The following ADGRD2 variants were observed in gnomAD, a reference collection of about 807,000 sequenced individuals.
The protein encoded by ADGRD2 is adhesion G protein-coupled receptor D2, also known as G protein-coupled receptor PGR24.
A neutral mutation model predicts 44.4 loss-of-function variants in ADGRD2; 71 were observed. The ratio of observed to expected loss-of-function variants is 1.60; its 90% CI spans 1.32 to 1.95. The LOEUF is 1.95. ADGRD2 is among the 30% of genes most tolerant of loss of function. The pLI, the probability that ADGRD2 is intolerant of heterozygous loss-of-function variation, is 0.00. For missense variants in ADGRD2, 1,039 were observed against 512.4 expected (o/e 2.03, Z -9.92); for synonymous variants, 481 against 224.8 (o/e 2.14, Z -10.19).
At chr9:124,457,673 C>T (rs1161857213) in intron 8 of ADGRD2, 67 bp downstream of exon 11, 4 of 547,610 alleles carry the variant, frequency 7.3e-6, no homozygotes, top group Middle Eastern at 2.7e-4. Flanking sequence ...CTCTAACTGT[C>T]GCTAGCTGTG....
At chr9:124,469,458 G>A (rs1166014327) in exon 16 of ADGRD2, 1 of 718,204 alleles carries the variant, frequency 1.4e-6, no homozygotes, top group South Asian at 1.5e-5. Flanking sequence ...TGGCCCGTGT[G>A]GTAATGATCA....
At chr9:124,451,952 A>G (rs1831480346), upstream of ADGRD2, 1 of 647,726 alleles carries the variant, frequency 1.5e-6, no homozygotes, top group South Asian at 1.8e-5. Flanking sequence ...GAGTGGTGGG[A>G]TTTGAATCCA....
intron 17 of ADGRD2, among the ~76,000 whole-genome samples, chr9:124,470,978 G>A (rs1831935841): frequency 6.6e-6 from 1 of 152,236 alleles, no homozygotes; most frequent in African/African-American, 2.4e-5. Flanking sequence ...GGGACACAGG[G>A]CATCAGTCAC....
intron 17 of ADGRD2, among the ~76,000 whole-genome samples, chr9:124,472,736 A>T (rs768955887): frequency 2.2e-4 from 34 of 152,074 alleles, no homozygotes; most frequent in Non-Finnish European, 4.0e-4. Context: ...TTGAACTCCT[A>T]ACCTCAAGTG....
At chr9:124,458,161 T>C (rs1831653009) in exon 9 of ADGRD2, 3 of 718,344 alleles carry the variant, frequency 4.2e-6, no homozygotes, top group Non-Finnish European at 7.8e-6. Flanking sequence ...TCCAGAGTCT[T>C]CCAGCACACC....
intron 17 of ADGRD2, among the ~76,000 whole-genome samples, chr9:124,474,949 C>A (rs1832016537): frequency 6.6e-6 from 1 of 152,230 alleles, no homozygotes; most frequent in African/African-American, 2.4e-5. Flanking sequence ...CTCCCATCCC[C>A]TCAGAACCCA....
chr9:124,462,622 G>A (rs1236901160), intron 10 of ADGRD2, among the ~76,000 whole-genome samples: 1 of 138,072 alleles, frequency 7.2e-6, no homozygotes, highest in Non-Finnish European at 1.5e-5. Flanking sequence ...GAGACATTTT[G>A]TTAAATATAT....
rs185967371 is a variant in ADGRD2, at chr9:124,471,410, G to A, written c.2758+796G>A. Reference sequence around the variant, plus strand: ...GGAAGTCAGGTGCGAACTCCACCCAGGGTCCATGTGTCCTCCAAGCTGGGG... The same window carrying A: ...GGAAGTCAGGTGCGAACTCCACCCAAGGTCCATGTGTCCTCCAAGCTGGGG... On this transcript the variant is annotated intron_variant, in intron 17 of 21. Coordinates refer to ENST00000334810, the Ensembl canonical transcript of ADGRD2. Among the ~76,000 whole-genome samples, 393 of 152,308 alleles carry A rather than the reference G, an allele frequency of 2.6e-3. 1 individual carries two copies. The highest frequency in any genetic ancestry group is 9.4e-3 in the African/African-American group (391 of 41,558).
intron 10 of ADGRD2, among the ~76,000 whole-genome samples, chr9:124,460,386 A>G (rs998052522): frequency 2.4e-5 from 2 of 81,808 alleles, no homozygotes; most frequent in Admixed American, 1.3e-4. Flanking sequence ...ATATATATAT[A>G]TATTTTTTTT....
At position 124,468,193 on chromosome 9, in the gene ADGRD2, G is replaced by A. The variant is rs760712156; in HGVS notation, c.2233+3G>A. ...GCGAGTGGGCCAAGGCCAATGAGGT[G>A]GGCAGCCAGTGGGTGGGCTGGAAGC... On this transcript the variant is annotated splice_donor_region_variant and intron_variant, in intron 13 of 21. Coordinates refer to ENST00000334810, the Ensembl canonical transcript of ADGRD2. 9.7e-6 allele frequency: 7 copies of A among 718,216 alleles called. No homozygotes were observed. Among genetic ancestry groups the A allele is most frequent in the Middle Eastern group, 2.3e-4 (1 of 4,394 alleles). 44.5% of individuals were successfully genotyped at this position (718,216 alleles called of 1,614,324 possible).
intron 14 of ADGRD2, 134 bp downstream of exon 17, chr9:124,468,806 A>G (rs1206429181): frequency 3.3e-6 from 2 of 613,536 alleles, no homozygotes; most frequent in Non-Finnish European, 5.8e-6. Context: ...AGCGTCACCC[A>G]GAACCCAGCA....
chr9:124,458,298 G>A, intron 9 of ADGRD2, 62 bp downstream of exon 12: 1 of 708,758 alleles, frequency 1.4e-6, no homozygotes. Flanking sequence ...GAAGGCCAAA[G>A]CCCCCGTTCT....
chr9:124,478,117 G>C (rs1337135278), intron 21 of ADGRD2, among the ~76,000 whole-genome samples, 164 bp from the exon 25 acceptor site: 1 of 152,202 alleles, frequency 6.6e-6, no homozygotes, highest in Non-Finnish European at 1.5e-5. Context: ...GAAAGGCCGC[G>C]GAGCCCTCAG....
chr9:124,468,262 C>T lies in ADGRD2; in HGVS notation c.2233+72C>T, dbSNP rs530413177. ...GTGCCTGTGGGCTTTTCTAGGGTGA[C>T]CCCCTGCCCCCAACTATTTTCACAT... On this transcript the variant is annotated intron_variant, in intron 13 of 21. Transcript: ENST00000334810. 5.4e-4 allele frequency: 388 copies of T among 711,970 alleles called. 4 individuals are homozygous for T. The East Asian group carries it at 0.01, about 18-fold the overall frequency. The allele number at this position is 711,970 out of a possible 1,614,324, so 44.1% of individuals were successfully genotyped here. A position where few individuals can be genotyped will look rare whatever the true frequency, so the allele number is the denominator to read the frequency against.
chr9:124,477,154 A>G (rs1052203895), intron 21 of ADGRD2: 40 of 434,680 alleles, frequency 9.2e-5, no homozygotes, highest in African/African-American at 6.4e-4. Flanking sequence ...GCTTTCCTCC[A>G]AGGCTGCGGG....
In ADGRD2 at chr9:124,457,342, CCT is replaced by C. The variant is rs1831637758; in HGVS notation, c.1506-125_1506-124del. 3 of 438,912 alleles carry C rather than the reference CCT, an allele frequency of 6.8e-6. No homozygotes were observed. In the East Asian group the frequency reaches 9.8e-5, roughly 14 times the overall value. The allele number at this position is 438,912 out of a possible 1,614,324, so 27.2% of individuals were successfully genotyped here. A position where few individuals can be genotyped will look rare whatever the true frequency, so the allele number is the denominator to read the frequency against. On this transcript the variant is annotated intron_variant, in intron 7 of 21. Coordinates refer to ENST00000334810, the Ensembl canonical transcript of ADGRD2. ...GATTTGCCTTGGGCAAGTTGCTGAACCTCTCTGAGCAGGAATGGTGGCCTCCT... is the reference window on the plus strand; with the variant it reads ...GATTTGCCTTGGGCAAGTTGCTGAACCTCTGAGCAGGAATGGTGGCCTCCT...
chr9:124,455,025 G>T, exon 6 of ADGRD2: 2 of 718,352 alleles, frequency 2.8e-6, no homozygotes. Flanking sequence ...ACCCAGAGCT[G>T]TTGTTGACAG....
intron 11 of ADGRD2, chr9:124,466,646 C>T: frequency 2.9e-6 from 1 of 342,188 alleles, no homozygotes; most frequent in Non-Finnish European, 5.3e-6. Flanking sequence ...CCCGTCTCTA[C>T]CAAAAATGCA....
chr9:124,458,342 C>T, intron 9 of ADGRD2, 106 bp downstream of exon 12: 1 of 646,692 alleles, frequency 1.5e-6, no homozygotes, highest in Non-Finnish European at 2.8e-6. Context: ...GCCCAGGGCC[C>T]ACCCTTTCCC....
Sources: allele counts gnomAD v4.1 joint callset (sites outside exome capture counted in the v4.1 genomes callset), GRCh38; gene constraint gnomAD v4.1.1; transcripts MANE v1.5; gene names NCBI Gene and HGNC (gene_info 2026-07-23, HGNC 2026-07-21).